ASTN1: variants seen among roughly 807,000 people sequenced by gnomAD.
ASTN1 encodes astrotactin 1, also known as astrotactin-1.
A neutral mutation model predicts 140.7 loss-of-function variants in ASTN1; 41 were observed. The ratio of observed to expected loss-of-function variants is 0.29; its 90% CI spans 0.23 to 0.38. The LOEUF (loss-of-function observed/expected upper bound fraction) is 0.38. Among genes scored for constraint, ASTN1 ranks in the 10% least tolerant of loss-of-function variants. The probability of loss-of-function intolerance (pLI) is 1.00; values close to 1 mark genes in which losing one functional copy is unlikely to be tolerated. For missense variants in ASTN1, 1,479 were observed against 1,678.8 expected (o/e 0.88, Z 2.08); for synonymous variants, 640 against 652.2 (o/e 0.98, Z 0.29).
chr1:177,020,926 C>A (rs986796250), intron 7 of ASTN1, among the ~76,000 whole-genome samples: 5 of 152,116 alleles, frequency 3.3e-5, no homozygotes, highest in Non-Finnish European at 2.9e-5. Context: ...ATGGGCAGAC[C>A]CCTCAGTATG....
At chr1:177,025,474 C>CT (rs978271523) in intron 5 of ASTN1, among the ~76,000 whole-genome samples, 32 of 145,114 alleles carry the variant, frequency 2.2e-4, no homozygotes, top group Non-Finnish European at 2.9e-4. Flanking sequence ...TGTTTCTTGG[C>CT]TTTTTTTTTT....
chr1:176,883,445 C>T (rs892769350), intron 19 of ASTN1, among the ~76,000 whole-genome samples: 1 of 152,136 alleles, frequency 6.6e-6, no homozygotes, highest in Non-Finnish European at 1.5e-5. Context: ...CCGCCCAGCT[C>T]GGCCTCCCAA....
intron 15 of ASTN1, chr1:176,935,915 TC>T (rs1671423737): frequency 2.8e-6 from 1 of 358,722 alleles, no homozygotes; most frequent in Non-Finnish European, 5.4e-6. Context: ...TAAATTATGC[TC>T]TTTGCATTTG....
intron 17 of ASTN1, among the ~76,000 whole-genome samples, chr1:176,889,479 G>GA (rs1448191732): frequency 6.6e-6 from 1 of 151,918 alleles, no homozygotes. Flanking sequence ...AAAGAAAAAA[G>GA]AAAAAAGAAA....
intron 1 of ASTN1, among the ~76,000 whole-genome samples, chr1:177,068,816 C>A: frequency 6.8e-6 from 1 of 146,914 alleles, no homozygotes; most frequent in African/African-American, 2.5e-5. Context: ...TTCCTTCTTT[C>A]TTTTCTTTTT....
chr1:176,922,556 C>CAAAAAAAAAAAAAAAAAAAAAAAAAAAA (rs71129589), intron 16 of ASTN1, among the ~76,000 whole-genome samples: 5 of 77,586 alleles, frequency 6.4e-5, no homozygotes, highest in African/African-American at 2.0e-4. Context: ...GCCCCCACTG[C>CAAAAAAAAAAAAAAAAAAAAAAAAAAAA]AAAAAAAAAA....
intron 1 of ASTN1, among the ~76,000 whole-genome samples, chr1:177,162,442 A>G (rs1190698036): frequency 2.0e-5 from 3 of 152,174 alleles, no homozygotes; most frequent in Non-Finnish European, 4.4e-5. Context: ...GCCAAGTTGC[A>G]CCAGATTACC....
chr1:177,024,090 T>C (rs1451115758), intron 6 of ASTN1, among the ~76,000 whole-genome samples: 1 of 152,202 alleles, frequency 6.6e-6, no homozygotes, highest in African/African-American at 2.4e-5. Context: ...TCAGAACCTA[T>C]ATTACTCCCT....
At chr1:176,973,425 A>T (rs1215926432) in intron 8 of ASTN1, among the ~76,000 whole-genome samples, 4 of 151,984 alleles carry the variant, frequency 2.6e-5, no homozygotes, top group African/African-American at 7.3e-5. Context: ...TGTCTGAAAC[A>T]CTCCAACACT....
intron 1 of ASTN1, among the ~76,000 whole-genome samples, chr1:177,142,929 G>A (rs898305762): frequency 9.9e-5 from 15 of 151,574 alleles, no homozygotes; most frequent in Admixed American, 9.2e-4. Flanking sequence ...TGAGTTTCAA[G>A]AGCCACAAAT....
chr1:177,138,008 C>T (rs1682280634), intron 1 of ASTN1, among the ~76,000 whole-genome samples: 1 of 152,076 alleles, frequency 6.6e-6, no homozygotes, highest in Non-Finnish European at 1.5e-5. Context: ...AAATACGGCC[C>T]TCTAGAGGCT....
At chr1:176,875,809 C>T (rs1668536437) in intron 21 of ASTN1, among the ~76,000 whole-genome samples, 1 of 152,166 alleles carries the variant, frequency 6.6e-6, no homozygotes, top group Admixed American at 6.5e-5. Context: ...GATAAGATTA[C>T]TTAAATTAGT....
chr1:176,963,826 A>G (rs1571575156), intron 9 of ASTN1, among the ~76,000 whole-genome samples: 1 of 152,206 alleles, frequency 6.6e-6, no homozygotes, highest in Admixed American at 6.5e-5. Flanking sequence ...AAGTCAGCCG[A>G]ATGATAAATC....
rs71129589 is a variant in ASTN1 at position 176,922,556 on chromosome 1, C to CAAAAAAAAAAAAAAAAAA, written c.2671+11578_2671+11595dup. Among the ~76,000 whole-genome samples the CAAAAAAAAAAAAAAAAAA allele has an allele frequency of 4.5e-4, 35 of 77,588 alleles. 1 individual carries two copies. The highest frequency in any genetic ancestry group is 5.8e-4 in the Non-Finnish European group (24 of 41,600). 50.9% of individuals were successfully genotyped at this position (77,588 alleles called of 152,430 possible). A position where few individuals can be genotyped will look rare whatever the true frequency, so the allele number is the denominator to read the frequency against. On this transcript the variant is annotated intron_variant, in intron 16 of 22. Coordinates refer to ENST00000361833, the MANE Select transcript of ASTN1 (RefSeq NM_004319.3). ...ACAGTGTCCACTCCAGCCCCCACTG[C>CAAAAAAAAAAAAAAAAAA]AAAAAAAAAAAAAAAAAAAAAAAAA...
intron 16 of ASTN1, among the ~76,000 whole-genome samples, chr1:176,925,516 G>A (rs947780440): frequency 6.6e-6 from 1 of 152,102 alleles, no homozygotes; most frequent in Non-Finnish European, 1.5e-5. Flanking sequence ...TGTTGGATAA[G>A]AGACAAAAAC....
chr1:177,125,704 C>G (rs1371048951), intron 1 of ASTN1, among the ~76,000 whole-genome samples: 5 of 152,218 alleles, frequency 3.3e-5, no homozygotes, highest in Non-Finnish European at 5.9e-5. Flanking sequence ...AAGGACATTA[C>G]TGTATTTTGG....
chr1:176,857,328 T>C, downstream of ASTN1: 1 of 368,950 alleles, frequency 2.7e-6, no homozygotes, highest in Non-Finnish European at 4.8e-6. Flanking sequence ...AACTTTTAGT[T>C]TGAAGTATAT....
intron 14 of ASTN1, among the ~76,000 whole-genome samples, chr1:176,941,128 T>C (rs1427664020): frequency 6.6e-6 from 1 of 152,246 alleles, no homozygotes; most frequent in East Asian, 1.9e-4. Context: ...TGACCTATAA[T>C]AGTAGATACA....
intron 16 of ASTN1, among the ~76,000 whole-genome samples, chr1:176,911,568 T>G (rs1371431770): frequency 6.6e-5 from 10 of 152,160 alleles, no homozygotes; most frequent in Non-Finnish European, 1.2e-4. Context: ...GTAAACTTTT[T>G]TGTTAAAAAC....
Sources: allele counts gnomAD v4.1 joint callset (sites outside exome capture counted in the v4.1 genomes callset), GRCh38; gene constraint gnomAD v4.1.1; transcripts MANE v1.5; gene names NCBI Gene and HGNC (gene_info 2026-07-23, HGNC 2026-07-21).